The following RARA variants were observed in gnomAD, a reference collection of about 807,000 sequenced individuals.
The protein encoded by RARA is PML-DDX5-RARA fusion.
RARA carries 5 observed loss-of-function variants against 42.8 expected under a neutral mutation model. That is an observed-to-expected ratio of 0.12 (90% CI 0.06 to 0.25). The LOEUF is 0.25. Ranked by LOEUF, RARA falls within the 10% of genes least tolerant of loss-of-function variation. The pLI is 1.00. For missense variants in RARA, 402 were observed against 628.7 expected, an observed-to-expected ratio of 0.64 and a Z score of 3.86; for synonymous variants, 256 against 259.5, an observed-to-expected ratio of 0.99 and a Z score of 0.13.
At chr17:40,341,510 C>T (rs1437812194) in intron 2 of RARA, 3 of 1,484,180 alleles carry the variant, frequency 2.0e-6, no homozygotes, top group Non-Finnish European at 1.8e-6. Context: ...CGCCTCCTGC[C>T]GCCGCTCTCC....
rs1249347568 is a variant in RARA, at chr17:40,320,044, T to C, written c.-363+10758T>C. 6.6e-6 allele frequency among the ~76,000 whole-genome samples: 1 copy of C among 152,102 alleles called. No homozygotes were observed. The highest frequency in any genetic ancestry group is 1.9e-4 in the East Asian group (1 of 5,186). Reference sequence around the variant, plus strand: ...GAAAGAGAGGTCAGGAGGGTCAGACTGGAGTAGCCTCTTGGGAGCTGAGGA... The same window carrying C: ...GAAAGAGAGGTCAGGAGGGTCAGACCGGAGTAGCCTCTTGGGAGCTGAGGA... On this transcript the variant is annotated intron_variant, in intron 1 of 8. Transcript: ENST00000254066. This position sits in a 1 kb window ranked among gnomAD's most constrained non-coding sequence, Gnocchi z 4.1.
At chr17:40,346,642 GC>G (rs1364044887) in intron 2 of RARA, among the ~76,000 whole-genome samples, 1 of 134,514 alleles carries the variant, frequency 7.4e-6, no homozygotes, top group Admixed American at 7.3e-5. Context: ...CCCCAACCCC[GC>G]CCCCCCAGCA....
At chr17:40,336,894 C>T (rs1208415805) in intron 2 of RARA, among the ~76,000 whole-genome samples, 1 of 150,480 alleles carries the variant, frequency 6.6e-6, no homozygotes, top group African/African-American at 2.5e-5. Flanking sequence ...TGGGGTTTCA[C>T]CATGTTGGTT....
In RARA at chr17:40,354,231, GGAGTGCTGGTGCC is replaced by G. The variant is rs1205867371; in HGVS notation, c.808-63_808-51del. 5.2e-5 allele frequency: 75 copies of G among 1,449,908 alleles called. No homozygotes were observed. Among genetic ancestry groups the G allele is most frequent in the Non-Finnish European group, 7.0e-5 (73 of 1,048,644 alleles). The allele number at this position is 1,449,908 out of a possible 1,614,324, so 89.8% of individuals were successfully genotyped here. A position where few individuals can be genotyped will look rare whatever the true frequency, so the allele number is the denominator to read the frequency against. ...GGTGGTCCTCCGGGAGTGCTGGTGCGGAGTGCTGGTGCCGAGTGCTCAGAGTGGGTTCGGGTTC... is the reference window on the plus strand; with the variant it reads ...GGTGGTCCTCCGGGAGTGCTGGTGCGGAGTGCTCAGAGTGGGTTCGGGTTC... On this transcript the variant is annotated intron_variant, in intron 6 of 8. Transcript: ENST00000254066. This position sits in a 1 kb window ranked among gnomAD's most constrained non-coding sequence, Gnocchi z 4.5.
At chr17:40,342,750 C>T (rs1261306553) in intron 2 of RARA, 1 of 1,612,794 alleles carries the variant, frequency 6.2e-7, no homozygotes, top group Non-Finnish European at 8.5e-7. Flanking sequence ...TAATCCCTTC[C>T]TAGTGGTGGA....
Position 40,336,997 on chromosome 17 carries a change from C to T in RARA, c.178+5601C>T, listed in dbSNP as rs182012093. Among the ~76,000 whole-genome samples, 478 of 152,356 alleles carry T rather than the reference C, an allele frequency of 3.1e-3. 2 individuals are homozygous for T. The highest frequency in any genetic ancestry group is 0.011 in the African/African-American group (455 of 41,584). On this transcript the variant is annotated intron_variant, in intron 2 of 8. Coordinates refer to ENST00000254066, the MANE Select transcript of RARA (RefSeq NM_000964.4). ...ACAGGCATCAGCCACTGTGCCTGGC[C>T]GTGACCCAGACCCTTTGTAGGTGGG...
intron 2 of RARA, among the ~76,000 whole-genome samples, chr17:40,346,903 G>C (rs2034284850): frequency 6.6e-6 from 1 of 152,234 alleles, no homozygotes; most frequent in Non-Finnish European, 1.5e-5. Flanking sequence ...CTGGGAAGTG[G>C]TGCCCAGGCA....
Position 40,331,381 on chromosome 17 carries a change from A to C in RARA, c.163A>C (p.Thr55Pro), listed in dbSNP as rs756376800. ...CCAGCTTCCAGTTAGTGGATATAGCACACCATCCCCAGCCAGTAAGTCTGG... is the reference window on the plus strand; with the variant it reads ...CCAGCTTCCAGTTAGTGGATATAGCCCACCATCCCCAGCCAGTAAGTCTGG... ...QHQLPVSGYS[T>P]PSPATIETQS... The change falls in exon 2 of 9, where the codon ACA becomes CCA. Residue 55 changes from threonine (T) to proline (P), a missense_variant. This residue lies in a region of RARA where 91 missense variants were observed against 105.2 expected (regional missense o/e 0.87). Coordinates refer to ENST00000254066, the MANE Select transcript of RARA (RefSeq NM_000964.4). 1 of 1,613,304 alleles carries C rather than the reference A, an allele frequency of 6.2e-7. No homozygotes were observed. The highest frequency in any genetic ancestry group is 1.1e-5 in the South Asian group (1 of 90,988).
rs370266874 is a variant in RARA at position 40,348,482 on chromosome 17, T to G, written c.327+18T>G. On this transcript the variant is annotated intron_variant, in intron 3 of 8. Coordinates refer to ENST00000254066, the MANE Select transcript of RARA (RefSeq NM_000964.4). ...GCTGCAAGGTGAGTTGAAGGGGTCATTGGGAAGGACAGCTTGATGAGGTCA... is the reference window on the plus strand; with the variant it reads ...GCTGCAAGGTGAGTTGAAGGGGTCAGTGGGAAGGACAGCTTGATGAGGTCA... The G allele has an allele frequency of 8.9e-5, 143 of 1,609,242 alleles. No individual in the cohort carries two copies. In the African/African-American group the frequency reaches 1.7e-3, roughly 19 times the overall value.
At chr17:40,333,092 G>A (rs577791271) in intron 2 of RARA, among the ~76,000 whole-genome samples, 42 of 152,164 alleles carry the variant, frequency 2.8e-4, no homozygotes, top group Admixed American at 1.7e-3. Context: ...CTCTGTCACC[G>A]AGGCTGGAGT....
At chr17:40,341,704 G>A in intron 2 of RARA, 2 of 1,328,686 alleles carry the variant, frequency 1.5e-6, no homozygotes, top group East Asian at 6.2e-5. Flanking sequence ...GCCCGGCCTG[G>A]GTGGGGGTGT....
At chr17:40,347,142 T>C (rs894038976) in intron 2 of RARA, among the ~76,000 whole-genome samples, 2 of 152,176 alleles carry the variant, frequency 1.3e-5, no homozygotes, top group Non-Finnish European at 1.5e-5. Flanking sequence ...TGGGCACCTT[T>C]AAATGCCAGC....
chr17:40,344,899 G>T (rs969362925), intron 2 of RARA, among the ~76,000 whole-genome samples: 1 of 152,176 alleles, frequency 6.6e-6, no homozygotes, highest in Non-Finnish European at 1.5e-5. Flanking sequence ...CCTTGGAAGG[G>T]TCCCCTTGGG....
chr17:40,338,855 A>C (rs1387596080), intron 2 of RARA, among the ~76,000 whole-genome samples: 1 of 151,820 alleles, frequency 6.6e-6, no homozygotes, highest in South Asian at 2.1e-4. Flanking sequence ...CCATCTCTAC[A>C]GAATATACCA....
At chr17:40,342,390 C>G in intron 2 of RARA, 1 of 1,122,448 alleles carries the variant, frequency 8.9e-7, no homozygotes, top group Non-Finnish European at 1.1e-6. Context: ...TCGGACGCCA[C>G]GAGACTCTAG....
chr17:40,357,325 T>TGCGCGTGCGCACACACAC lies in RARA; in HGVS notation c.*1100_*1117dup. 1 of 205,148 alleles carries TGCGCGTGCGCACACACAC rather than the reference T, an allele frequency of 4.9e-6. No homozygotes were observed. Among genetic ancestry groups the TGCGCGTGCGCACACACAC allele is most frequent in the Non-Finnish European group, 9.6e-6 (1 of 104,444 alleles). The allele number at this position is 205,148 out of a possible 1,614,324, so 12.7% of individuals were successfully genotyped here. On this transcript the variant is annotated 3_prime_UTR_variant, in exon 9 of 9. Transcript: ENST00000254066. ...ATAGGGCCCCCAGACACCACACACA[T>TGCGCGTGCGCACACACAC]GCGCGTGCGCACACACACAAACACA...
chr17:40,312,111 C>T (rs1419369476), intron 1 of RARA, among the ~76,000 whole-genome samples: 1 of 152,212 alleles, frequency 6.6e-6, no homozygotes, highest in African/African-American at 2.4e-5. Context: ...AGGAGACTGT[C>T]ACAAACTTCC....
rs1410177546 is a variant in RARA at position 40,331,349 on chromosome 17, TC to T, written c.133del (p.Gln45SerfsTer27). ...TCCCCGCCAGGCGCTCTGACCACTC[TC>T]CAGCACCAGCTTCCAGTTAGTGGAT... ...GLSPPGALTT[L>X]QHQLPVSGYS... On this transcript the variant is annotated frameshift_variant, in exon 2 of 9. Coordinates refer to ENST00000254066, the MANE Select transcript of RARA (RefSeq NM_000964.4). LOFTEE classifies it high-confidence loss of function. 6.2e-7 allele frequency: 1 copy of T among 1,614,058 alleles called. No individual in the cohort carries two copies. The highest frequency in any genetic ancestry group is 8.5e-7 in the Non-Finnish European group (1 of 1,179,976).
intron 2 of RARA, 131 bp from the exon 3 acceptor site, chr17:40,348,185 T>A (rs960928201): frequency 8.2e-7 from 1 of 1,224,528 alleles, no homozygotes; most frequent in African/African-American, 1.6e-5. Context: ...CCAGTTTTCT[T>A]AAGACTTGAA....
Sources: gnomAD v4.1 joint callset for allele counts (sites outside exome capture counted in the v4.1 genomes callset) on GRCh38, gnomAD v4.1.1 for gene constraint, gnomAD v4.1.1 regional missense constraint, Gnocchi (gnomAD v3.1) non-coding constraint, MANE v1.5 for transcripts, NCBI Gene and HGNC (gene_info 2026-07-23, HGNC 2026-07-21) for gene names.